Variants in ANO3 observed in about 807,000 individuals in gnomAD.
The protein encoded by ANO3 is anoctamin-3.
ANO3 carries 99 observed loss-of-function variants against 144.8 expected under a neutral mutation model. The ratio of observed to expected loss-of-function variants is 0.68; its 90% CI spans 0.58 to 0.81. The LOEUF is 0.81. Ranked by LOEUF, ANO3 falls within the 30% of genes least tolerant of loss-of-function variation. The pLI, the probability that ANO3 is intolerant of heterozygous loss-of-function variation, is 0.00. For missense variants in ANO3, 905 were observed against 1,202.2 expected, an observed-to-expected ratio of 0.75 and a Z score of 3.66; for synonymous variants, 414 against 392.6, an observed-to-expected ratio of 1.05 and a Z score of -0.64.
intron 1 of ANO3, among the ~76,000 whole-genome samples, chr11:26,216,422 G>T (rs1852037080): frequency 6.6e-6 from 1 of 151,682 alleles, no homozygotes; most frequent in African/African-American, 2.4e-5. Context: ...TGCATTTAAG[G>T]TTTATCCATG....
At chr11:26,394,570 CTTT>C (rs56118844) in intron 1 of ANO3, among the ~76,000 whole-genome samples, 10 of 115,730 alleles carry the variant, frequency 8.6e-5, no homozygotes, top group Non-Finnish European at 1.1e-4. Flanking sequence ...ATTTCATTTT[CTTT>C]TTTTTTTTTT....
chr11:26,435,720 GT>G (rs891997567), intron 1 of ANO3, among the ~76,000 whole-genome samples: 1 of 151,928 alleles, frequency 6.6e-6, no homozygotes, highest in Admixed American at 6.6e-5. Context: ...TTATTGCAGT[GT>G]TTTTTTCAGC....
intron 23 of ANO3, among the ~76,000 whole-genome samples, chr11:26,645,912 A>G (rs572522717): frequency 6.6e-6 from 1 of 152,192 alleles, no homozygotes. Flanking sequence ...AATAAATTTT[A>G]AAAAACTTCC....
chr11:26,248,062 C>T (rs541928989), intron 1 of ANO3, among the ~76,000 whole-genome samples: 5 of 152,034 alleles, frequency 3.3e-5, no homozygotes, highest in East Asian at 2.0e-4. Flanking sequence ...AAGGATTGGC[C>T]GAGCATGGTG....
intron 1 of ANO3, among the ~76,000 whole-genome samples, chr11:26,284,374 GATTCTA>G (rs1212010756): frequency 1.3e-5 from 2 of 152,158 alleles, no homozygotes; most frequent in Admixed American, 6.6e-5. Flanking sequence ...GGAGAAAGAG[GATTCTA>G]ATTTGATTCC....
At chr11:26,450,952 T>C (rs964662289) in intron 3 of ANO3, among the ~76,000 whole-genome samples, 1 of 152,222 alleles carries the variant, frequency 6.6e-6, no homozygotes, top group Non-Finnish European at 1.5e-5. Context: ...CATAATAGTC[T>C]GCTATATTAT....
rs192788738 is a variant in ANO3, at chr11:26,371,773, G to A, written c.46+39452G>A. Among the ~76,000 whole-genome samples, 5 of 152,318 alleles carry A rather than the reference G, an allele frequency of 3.3e-5. No homozygotes were observed. In the East Asian group the frequency reaches 9.7e-4, roughly 29 times the overall value. On this transcript the variant is annotated intron_variant, in intron 1 of 26. Transcript: ENST00000256737. ...ATTTCAGACTTGTATGAGGCCTATG[G>A]CCTTTTTGTTTTGGCCAATTTCTCT...
At chr11:26,425,360 G>A (rs920340827) in intron 1 of ANO3, among the ~76,000 whole-genome samples, 8 of 151,892 alleles carry the variant, frequency 5.3e-5, no homozygotes, top group Admixed American at 1.3e-4. Context: ...ATTCCCATTT[G>A]CCTCAAAGGG....
intron 11 of ANO3, among the ~76,000 whole-genome samples, chr11:26,545,561 A>C (rs182580532): frequency 2.4e-4 from 37 of 152,152 alleles, no homozygotes; most frequent in African/African-American, 6.0e-4. Flanking sequence ...AAATTACACA[A>C]TAGGTATTGG....
intron 1 of ANO3, among the ~76,000 whole-genome samples, chr11:26,224,287 C>A (rs1475111072): frequency 6.6e-6 from 1 of 152,232 alleles, no homozygotes; most frequent in Non-Finnish European, 1.5e-5. Context: ...GGTCACAGCA[C>A]CCCACTGGGT....
Position 26,251,060 on chromosome 11 carries a change from C to G in ANO3, c.155-58585C>G, listed in dbSNP as rs188224208. 6.6e-4 allele frequency among the ~76,000 whole-genome samples: 100 copies of G among 152,192 alleles called. 2 individuals carry two copies. The highest frequency in any genetic ancestry group is 5.7e-3 in the Admixed American group (87 of 15,288). On this transcript the variant is annotated intron_variant, in intron 1 of 27. Coordinates refer to the ANO3 transcript ENST00000672621. ...AGCATCATCAAAGAGTATTGCTACT[C>G]CAGGAAAATAACAAAATTCAAAATT...
chr11:26,420,836 T>C (rs1021212559), intron 1 of ANO3, among the ~76,000 whole-genome samples: 1 of 152,102 alleles, frequency 6.6e-6, no homozygotes, highest in Non-Finnish European at 1.5e-5. Context: ...ACCATCTGTA[T>C]TCTACCAGGA....
chr11:26,494,274 T>C (rs933791360), intron 4 of ANO3, among the ~76,000 whole-genome samples: 5 of 151,974 alleles, frequency 3.3e-5, no homozygotes, highest in African/African-American at 1.2e-4. Flanking sequence ...AATGCCATGC[T>C]GTATCTTGCT....
At chr11:26,527,701 T>G (rs941923030) in intron 7 of ANO3, among the ~76,000 whole-genome samples, 3 of 152,182 alleles carry the variant, frequency 2.0e-5, no homozygotes, top group Non-Finnish European at 4.4e-5. Flanking sequence ...GTCCAGCTTT[T>G]GAGGATCATC....
At chr11:26,342,736 T>G (rs1370244219) in intron 1 of ANO3, among the ~76,000 whole-genome samples, 1 of 152,238 alleles carries the variant, frequency 6.6e-6, no homozygotes, top group Non-Finnish European at 1.5e-5. Flanking sequence ...TTAAAGATGA[T>G]CCATTCCATG....
intron 17 of ANO3, among the ~76,000 whole-genome samples, chr11:26,623,303 C>T (rs1427546661): frequency 6.6e-6 from 1 of 152,120 alleles, no homozygotes; most frequent in Non-Finnish European, 1.5e-5. Context: ...CAGATGCATA[C>T]CTTTTAATTT....
intron 14 of ANO3, among the ~76,000 whole-genome samples, chr11:26,571,424 A>C (rs547018969): frequency 6.6e-6 from 1 of 152,282 alleles, no homozygotes; most frequent in Admixed American, 6.5e-5. Context: ...TAACTGATGT[A>C]ACCTTTTAGA....
At chr11:26,385,815 TCACACACATA>T (rs200725018) in intron 1 of ANO3, among the ~76,000 whole-genome samples, 4,224 of 129,874 alleles carry the variant, frequency 0.033, 75 homozygotes, top group East Asian at 0.11. Context: ...TGTCCAAGTT[TCACACACATA>T]CACACACACA....
At chr11:26,394,570 C>CTTTTTTTTTTTTT (rs56118844) in intron 1 of ANO3, among the ~76,000 whole-genome samples, 1 of 115,750 alleles carries the variant, frequency 8.6e-6, no homozygotes, top group African/African-American at 3.2e-5. Context: ...ATTTCATTTT[C>CTTTTTTTTTTTTT]TTTTTTTTTT....
Sources: allele counts gnomAD v4.1 joint callset (sites outside exome capture counted in the v4.1 genomes callset), GRCh38; gene constraint gnomAD v4.1.1; transcripts MANE v1.5; gene names NCBI Gene and HGNC (gene_info 2026-07-23, HGNC 2026-07-21).